The following OR5D14 variants were observed in gnomAD, a reference collection of about 807,000 sequenced individuals.
OR5D14 encodes the protein olfactory receptor family 5 subfamily D member 14.
For synonymous variants in OR5D14, 187 were observed against 138.2 expected, an observed-to-expected ratio of 1.35 and a Z score of -2.48; for missense variants, 466 against 375.5, an observed-to-expected ratio of 1.24 and a Z score of -1.99.
In OR5D14 at chr11:55,795,599, C is replaced by T. The variant is rs1398898438; in HGVS notation, c.44C>T (p.Ala15Val). 14 of 1,609,940 alleles carry T rather than the reference C, an allele frequency of 8.7e-6. No individual in the cohort carries two copies. Among genetic ancestry groups the T allele is most frequent in the South Asian group, 1.1e-5 (1 of 90,554 alleles). ...AATCTGAGCATGGAGCCCACCTTTG[C>T]CCTTTTAGGTTTCACAGATTACCCA... ...LRNLSMEPTF[A>V]LLGFTDYPKL... is the part of the protein sequence containing the mutation. The change falls in exon 1 of 1, where the codon GCC becomes GTC. Residue 15 changes from alanine (A) to valine (V), a missense_variant. Physicochemically the swap from Ala to Val is moderately conservative, Grantham distance 64. Coordinates refer to ENST00000335605, the MANE Select transcript of OR5D14 (RefSeq NM_001004735.1).
chr11:55,796,260 G>C lies in OR5D14; in HGVS notation c.705G>C (p.Gly235=), dbSNP rs1853525392. The C allele has an allele frequency of 6.2e-7, 1 of 1,613,362 alleles. No individual in the cohort carries two copies. Among genetic ancestry groups the C allele is most frequent in the African/African-American group, 1.3e-5 (1 of 74,668 alleles). The change falls in exon 1 of 1, where the codon GGG becomes GGC. Residue 235 remains glycine (G), a synonymous_variant. Coordinates refer to ENST00000335605, the MANE Select transcript of OR5D14 (RefSeq NM_001004735.1). ...TACTAAAAATCCGTTCTGTTAGTGGGCGCCACAAAGCCTTCTCCACCTGGG... is the reference window on the plus strand; with the variant it reads ...TACTAAAAATCCGTTCTGTTAGTGGCCGCCACAAAGCCTTCTCCACCTGGG... ...VTVLKIRSVS[G]RHKAFSTWAS...
In OR5D14 at chr11:55,795,588, G is replaced by T. The variant is rs1245605508; in HGVS notation, c.33G>T (p.Glu11Asp). Residue 11 changes from glutamate to aspartate, a missense_variant, in exon 1 of 1, where the codon GAG (glutamate) becomes GAT (aspartate). Transcript: ENST00000335605. MMMVLRNLSM[E>D]PTFALLGFTD... is the part of the protein sequence containing the mutation. Reference sequence around the variant, plus strand: ...TGGTTTTAAGGAATCTGAGCATGGAGCCCACCTTTGCCCTTTTAGGTTTCA... The same window carrying T: ...TGGTTTTAAGGAATCTGAGCATGGATCCCACCTTTGCCCTTTTAGGTTTCA... 1 of 1,606,680 alleles carries T rather than the reference G, an allele frequency of 6.2e-7. No individual in the cohort carries two copies. The highest frequency in any genetic ancestry group is 1.7e-5 in the Admixed American group (1 of 59,074).
rs750592872 is a variant in OR5D14, at chr11:55,796,353, CA to C, written c.803del (p.Asn268ThrfsTer20). 1.5e-5 allele frequency: 24 copies of C among 1,613,888 alleles called. No individual in the cohort carries two copies. Among genetic ancestry groups the C allele is most frequent in the Admixed American group, 1.7e-5 (1 of 59,990 alleles). The part of the protein sequence containing the change: ...ILFLYCVPNS[K>X]NSRQTVKVAS... The stretch of plus-strand genomic sequence containing the variant: ...TTTTCCTTTACTGTGTACCCAACTC[CA>C]AAAACTCTCGGCAAACAGTCAAAGT... On this transcript the variant is annotated frameshift_variant, in exon 1 of 1. Transcript: ENST00000335605. LOFTEE classifies it low-confidence loss of function (END_TRUNC).
chr11:55,796,255 A>T lies in OR5D14; in HGVS notation c.700A>T (p.Ser234Cys). The change falls in exon 1 of 1, where the codon AGT (serine) becomes TGT (cysteine). Residue 234 changes from serine (S) to cysteine (C), a missense_variant. Transcript: ENST00000335605. ...GACTGTACTAAAAATCCGTTCTGTT[A>T]GTGGGCGCCACAAAGCCTTCTCCAC... ...FVTVLKIRSVSGRHKAFSTWA... is the reference protein window; with the variant it reads ...FVTVLKIRSVCGRHKAFSTWA... 1 of 1,613,710 alleles carries T rather than the reference A, an allele frequency of 6.2e-7. No homozygotes were observed. The highest frequency in any genetic ancestry group is 8.5e-7 in the Non-Finnish European group (1 of 1,179,814).
In OR5D14 at chr11:55,796,103, A is replaced by G. The variant is rs766795702; in HGVS notation, c.548A>G (p.Tyr183Cys). 6.2e-7 allele frequency: 1 copy of G among 1,613,946 alleles called. No homozygotes were observed. The highest frequency in any genetic ancestry group is 8.5e-7 in the Non-Finnish European group (1 of 1,179,986). The change falls in exon 1 of 1, where the codon TAT (tyrosine) becomes TGT (cysteine). Residue 183 changes from tyrosine (Y) to cysteine (C), a missense_variant. Tyr to Cys is a radical substitution (Grantham distance 194, BLOSUM62 -2). Transcript: ENST00000335605. ...GTAATCAACCACTTCTTTTGTGAGT[A>G]TACTGCTCTCATCTCTGTGTCTGGC... ...PNVINHFFCE[Y>C]TALISVSGSD...
rs754102633 is a variant in OR5D14, at chr11:55,796,190, C to T, written c.635C>T (p.Thr212Ile). The change falls in exon 1 of 1, where the codon ACA becomes ATA. Residue 212 changes from threonine (T) to isoleucine (I), a missense_variant. Physicochemically the swap from Thr to Ile is moderately conservative, Grantham distance 89. Transcript: ENST00000335605. Reference protein sequence around the residue: ...FSFATFNEMCTLLIILTSYVF... With the variant: ...FSFATFNEMCILLIILTSYVF... ...TTCGCCACCTTCAATGAGATGTGTACACTACTGATCATCCTCACTTCCTAT... is the reference window on the plus strand; with the variant it reads ...TTCGCCACCTTCAATGAGATGTGTATACTACTGATCATCCTCACTTCCTAT... 2 of 1,613,918 alleles carry T rather than the reference C, an allele frequency of 1.2e-6. No homozygotes were observed. Among genetic ancestry groups the T allele is most frequent in the Admixed American group, 1.7e-5 (1 of 60,014 alleles).
Position 55,795,873 on chromosome 11 carries a change from C to T in OR5D14, c.318C>T (p.Ser106=). 6.2e-7 allele frequency: 1 copy of T among 1,613,870 alleles called. No homozygotes were observed. Among genetic ancestry groups the T allele is most frequent in the Non-Finnish European group, 8.5e-7 (1 of 1,179,944 alleles). ...YFSCMMQYFL[S]CTAVVTESFL... is the part of the protein sequence containing the mutation. ...GCTGCATGATGCAGTACTTCCTGTC[C>T]TGCACTGCTGTGGTGACAGAGTCTT... The change falls in exon 1 of 1, where the codon TCC becomes TCT. Residue 106 remains serine, a synonymous_variant. Coordinates refer to ENST00000335605, the MANE Select transcript of OR5D14 (RefSeq NM_001004735.1).
rs771163642 is a variant in OR5D14 at position 55,796,247 on chromosome 11, G to A, written c.692G>A (p.Arg231His). ...ATTTTTGTGACTGTACTAAAAATCC[G>A]TTCTGTTAGTGGGCGCCACAAAGCC... ...VFIFVTVLKIRSVSGRHKAFS... is the reference protein window; with the variant it reads ...VFIFVTVLKIHSVSGRHKAFS... Residue 231 changes from arginine (R) to histidine (H), a missense_variant, in exon 1 of 1, where the codon CGT (arginine) becomes CAT (histidine). By Grantham distance (29) the Arg-to-His change is conservative. Coordinates refer to ENST00000335605, the MANE Select transcript of OR5D14 (RefSeq NM_001004735.1). 4.2e-5 allele frequency: 67 copies of A among 1,613,552 alleles called. No individual in the cohort carries two copies. The highest frequency in any genetic ancestry group is 6.7e-5 in the African/African-American group (5 of 74,688).
In OR5D14 at chr11:55,796,088, A is replaced by G. The variant is rs138758864; in HGVS notation, c.533A>G (p.His178Arg). The part of the protein sequence containing the change: ...LNFSGPNVIN[H>R]FFCEYTALIS... The stretch of plus-strand genomic sequence containing the variant: ...TTCTCTGGACCTAATGTAATCAACC[A>G]CTTCTTTTGTGAGTATACTGCTCTC... Residue 178 changes from histidine to arginine, a missense_variant, in exon 1 of 1, where the codon CAC becomes CGC. His to Arg is a conservative substitution (Grantham distance 29). Transcript: ENST00000335605. 7.3e-5 allele frequency: 117 copies of G among 1,613,578 alleles called. No homozygotes were observed. The highest frequency in any genetic ancestry group is 9.7e-5 in the Non-Finnish European group (114 of 1,179,980).
rs1403015647 is a variant in OR5D14 at position 55,796,326 on chromosome 11, C to G, written c.771C>G (p.Ile257Met). 2 of 1,613,856 alleles carry G rather than the reference C, an allele frequency of 1.2e-6. No individual in the cohort carries two copies. The highest frequency in any genetic ancestry group is 1.7e-6 in the Non-Finnish European group (2 of 1,180,004). Residue 257 changes from isoleucine to methionine, a missense_variant, in exon 1 of 1, where the codon ATC (isoleucine) becomes ATG (methionine). Physicochemically the swap from Ile to Met is conservative, Grantham distance 10. Transcript: ENST00000335605. ...CTATCACCATCTTCCATGGGACCAT[C>G]CTTTTCCTTTACTGTGTACCCAACT... The part of the protein sequence containing the change: ...LTSITIFHGT[I>M]LFLYCVPNSK...
rs61896310 is a variant in OR5D14 at position 55,796,370 on chromosome 11, C to T, written c.815C>T (p.Thr272Ile). 2.5e-6 allele frequency: 4 copies of T among 1,613,770 alleles called. No homozygotes were observed. The South Asian group carries it at 3.3e-5, about 13-fold the overall frequency. Residue 272 changes from threonine (T) to isoleucine (I), a missense_variant, in exon 1 of 1, where the codon ACA becomes ATA. By Grantham distance (89) the Thr-to-Ile change is moderately conservative. Transcript: ENST00000335605. The stretch of plus-strand genomic sequence containing the variant: ...CCCAACTCCAAAAACTCTCGGCAAA[C>T]AGTCAAAGTGGCCTCTGTATTTTAC... ...CVPNSKNSRQ[T>I]VKVASVFYTV... is the part of the protein sequence containing the mutation.
Position 55,795,979 on chromosome 11 carries a change from C to G in OR5D14, c.424C>G (p.Leu142Val). 2 of 1,613,914 alleles carry G rather than the reference C, an allele frequency of 1.2e-6. No homozygotes were observed. Among genetic ancestry groups the G allele is most frequent in the Non-Finnish European group, 1.7e-6 (2 of 1,180,004 alleles). ...LLYTVAMSQR[L>V]CALLVAGSYL... Reference sequence around the variant, plus strand: ...TTATACAGTGGCCATGTCACAGAGGCTCTGTGCCCTGCTGGTGGCTGGGTC... The same window carrying G: ...TTATACAGTGGCCATGTCACAGAGGGTCTGTGCCCTGCTGGTGGCTGGGTC... The change falls in exon 1 of 1, where the codon CTC (leucine) becomes GTC (valine). Residue 142 changes from leucine to valine, a missense_variant. Coordinates refer to ENST00000335605, the MANE Select transcript of OR5D14 (RefSeq NM_001004735.1).
At position 55,795,909 on chromosome 11, in the gene OR5D14, A is replaced by G. The variant is rs1169657729; in HGVS notation, c.354A>G (p.Ala118=). 1 of 1,613,928 alleles carries G rather than the reference A, an allele frequency of 6.2e-7. No homozygotes were observed. Among genetic ancestry groups the G allele is most frequent in the Non-Finnish European group, 8.5e-7 (1 of 1,180,004 alleles). ...TGGTGACAGAGTCTTTCTTGCTGGCAGTGATGGCCTATGACCGCTTTGTGG... is the reference window on the plus strand; with the variant it reads ...TGGTGACAGAGTCTTTCTTGCTGGCGGTGATGGCCTATGACCGCTTTGTGG... ...TAVVTESFLL[A]VMAYDRFVAI... The change falls in exon 1 of 1, where the codon GCA becomes GCG. Residue 118 remains alanine, a synonymous_variant. Transcript: ENST00000335605.
In OR5D14 at chr11:55,796,316, A is replaced by T; in HGVS notation, c.761A>T (p.His254Leu). The T allele has an allele frequency of 6.2e-7, 1 of 1,613,878 alleles. No homozygotes were observed. The highest frequency in any genetic ancestry group is 8.5e-7 in the Non-Finnish European group (1 of 1,179,954). The change falls in exon 1 of 1, where the codon CAT becomes CTT. Residue 254 changes from histidine to leucine, a missense_variant. Transcript: ENST00000335605. ...CACCTGACTTCTATCACCATCTTCCATGGGACCATCCTTTTCCTTTACTGT... is the reference window on the plus strand; with the variant it reads ...CACCTGACTTCTATCACCATCTTCCTTGGGACCATCCTTTTCCTTTACTGT... ...ASHLTSITIF[H>L]GTILFLYCVP...
At position 55,795,965 on chromosome 11, in the gene OR5D14, C is replaced by T. The variant is rs759173396; in HGVS notation, c.410C>T (p.Ala137Val). 5 of 1,613,892 alleles carry T rather than the reference C, an allele frequency of 3.1e-6. No individual in the cohort carries two copies. Among genetic ancestry groups the T allele is most frequent in the South Asian group, 1.1e-5 (1 of 91,080 alleles). ...AICNPLLYTV[A>V]MSQRLCALLV... ...TGCAATCCTCTGCTTTATACAGTGG[C>T]CATGTCACAGAGGCTCTGTGCCCTG... The change falls in exon 1 of 1, where the codon GCC becomes GTC. Residue 137 changes from alanine to valine, a missense_variant. By Grantham distance (64) the Ala-to-Val change is moderately conservative. Coordinates refer to ENST00000335605, the MANE Select transcript of OR5D14 (RefSeq NM_001004735.1).
chr11:55,796,255 AG>A lies in OR5D14; in HGVS notation c.701del (p.Ser234MetfsTer14). On this transcript the variant is annotated frameshift_variant, in exon 1 of 1. Transcript: ENST00000335605. LOFTEE classifies it low-confidence loss of function (END_TRUNC). Reference protein sequence around the residue: ...FVTVLKIRSVSGRHKAFSTWA... With the variant: ...FVTVLKIRSVXGRHKAFSTWA... ...GACTGTACTAAAAATCCGTTCTGTTAGTGGGCGCCACAAAGCCTTCTCCACC... is the reference window on the plus strand; with the variant it reads ...GACTGTACTAAAAATCCGTTCTGTTATGGGCGCCACAAAGCCTTCTCCACC... The A allele has an allele frequency of 6.2e-7, 1 of 1,613,710 alleles. No homozygotes were observed. Among genetic ancestry groups the A allele is most frequent in the South Asian group, 1.1e-5 (1 of 91,080 alleles).
Position 55,795,960 on chromosome 11 carries a change from A to G in OR5D14, c.405A>G (p.Thr135=). The change falls in exon 1 of 1, where the codon ACA becomes ACG. Residue 135 remains threonine, a synonymous_variant. Coordinates refer to ENST00000335605, the MANE Select transcript of OR5D14 (RefSeq NM_001004735.1). ...CCATCTGCAATCCTCTGCTTTATAC[A>G]GTGGCCATGTCACAGAGGCTCTGTG... ...FVAICNPLLY[T]VAMSQRLCAL... The G allele has an allele frequency of 6.2e-7, 1 of 1,613,842 alleles. No homozygotes were observed. Among genetic ancestry groups the G allele is most frequent in the Non-Finnish European group, 8.5e-7 (1 of 1,179,994 alleles).
rs1386012170 is a variant in OR5D14, at chr11:55,796,069, G to A, written c.514G>A (p.Gly172Arg). ...LCYALRLNFS[G>R]PNVINHFFCE... ...TTATGCTCTCCGGTTAAACTTCTCT[G>A]GACCTAATGTAATCAACCACTTCTT... The change falls in exon 1 of 1, where the codon GGA (glycine) becomes AGA (arginine). Residue 172 changes from glycine to arginine, a missense_variant. Gly to Arg is a moderately radical substitution (Grantham distance 125). Coordinates refer to ENST00000335605, the MANE Select transcript of OR5D14 (RefSeq NM_001004735.1). 2 of 1,613,740 alleles carry A rather than the reference G, an allele frequency of 1.2e-6. No homozygotes were observed. Among genetic ancestry groups the A allele is most frequent in the Non-Finnish European group, 1.7e-6 (2 of 1,179,994 alleles).
Position 55,796,374 on chromosome 11 carries a change from C to A in OR5D14, c.819C>A (p.Val273=). Residue 273 remains valine (V), a synonymous_variant, in exon 1 of 1, where the codon GTC becomes GTA. Transcript: ENST00000335605. Reference sequence around the variant, plus strand: ...ACTCCAAAAACTCTCGGCAAACAGTCAAAGTGGCCTCTGTATTTTACACAG... The same window carrying A: ...ACTCCAAAAACTCTCGGCAAACAGTAAAAGTGGCCTCTGTATTTTACACAG... ...VPNSKNSRQT[V]KVASVFYTVV... is the part of the protein sequence containing the mutation. The A allele has an allele frequency of 6.2e-7, 1 of 1,613,722 alleles. No individual in the cohort carries two copies. Among genetic ancestry groups the A allele is most frequent in the Non-Finnish European group, 8.5e-7 (1 of 1,179,758 alleles).
Sources: allele counts gnomAD v4.1 joint callset, GRCh38; gene constraint gnomAD v4.1.1; transcripts MANE v1.5; gene names NCBI Gene and HGNC (gene_info 2026-07-23, HGNC 2026-07-21).